LPP: variants seen among roughly 807,000 people sequenced by gnomAD.
LPP encodes the protein LIM domain containing preferred translocation partner in lipoma.
LPP carries 38 observed loss-of-function variants against 60.4 expected under a neutral mutation model. The ratio of observed to expected loss-of-function variants is 0.63; its 90% CI spans 0.49 to 0.83. LPP has a LOEUF of 0.83. LPP is among the 40% of genes least tolerant of loss of function. The pLI, the probability that LPP is intolerant of heterozygous loss-of-function variation, is 0.00. For missense variants in LPP, 902 were observed against 783.6 expected, an observed-to-expected ratio of 1.15 and a Z score of -1.80; for synonymous variants, 328 against 290.8, an observed-to-expected ratio of 1.13 and a Z score of -1.30.
chr3:188,443,946 C>T (rs1270505427), intron 4 of LPP, among the ~76,000 whole-genome samples: 1 of 152,116 alleles, frequency 6.6e-6, no homozygotes, highest in East Asian at 1.9e-4. Flanking sequence ...GATGGTGTGC[C>T]CTTAATTTTG....
intron 5 of LPP, among the ~76,000 whole-genome samples, chr3:188,487,864 C>G (rs1807049975): frequency 2.0e-5 from 3 of 152,034 alleles, no homozygotes; most frequent in African/African-American, 7.2e-5. Context: ...TGTTTCCAGC[C>G]AGATTTTCAG....
rs144823772 is a variant in LPP, at chr3:188,484,459, G to A, written c.194-133G>A. 3,090 of 613,434 alleles carry A rather than the reference G, an allele frequency of 5.0e-3. 14 individuals are homozygous for A. The highest frequency in any genetic ancestry group is 7.4e-3 in the Non-Finnish European group (2,538 of 343,438). 38.0% of individuals were successfully genotyped at this position (613,434 alleles called of 1,614,324 possible). ...TAAGGCTACTAATTAAACTAAGATGGGGAATAATTGCTATACAACACAAAA... is the reference window on the plus strand; with the variant it reads ...TAAGGCTACTAATTAAACTAAGATGAGGAATAATTGCTATACAACACAAAA... On this transcript the variant is annotated intron_variant, in intron 4 of 11. Coordinates refer to ENST00000617246, the MANE Select transcript of LPP (RefSeq NM_001375462.1).
At chr3:188,384,253 C>T (rs1219761352) in intron 3 of LPP, among the ~76,000 whole-genome samples, 3 of 152,114 alleles carry the variant, frequency 2.0e-5, no homozygotes, top group Non-Finnish European at 4.4e-5. Context: ...TTTATTAACT[C>T]TCTGCCTGAC....
chr3:188,350,468 G>T (rs76667369), intron 3 of LPP, among the ~76,000 whole-genome samples: 8,631 of 152,258 alleles, frequency 0.057, 668 homozygotes, highest in African/African-American at 0.17. Context: ...ATCAGGCATG[G>T]CTGAAGAACT....
At chr3:188,684,761 T>G (rs1289215151) in intron 7 of LPP, among the ~76,000 whole-genome samples, 1 of 152,166 alleles carries the variant, frequency 6.6e-6, no homozygotes, top group East Asian at 1.9e-4. Context: ...AAATTTTCTT[T>G]TTACTAGTTC....
In LPP at chr3:188,264,748, C is replaced by T. The variant is rs150696806; in HGVS notation, c.-67+39221C>T. On this transcript the variant is annotated intron_variant, in intron 2 of 11. Coordinates refer to ENST00000617246, the MANE Select transcript of LPP (RefSeq NM_001375462.1). ...TCCTGGTCACTTCCCCACCCCTGTT[C>T]GCCACCCCCAAACACCTTTTTTCTT... Among the ~76,000 whole-genome samples the T allele has an allele frequency of 5.6e-4, 85 of 152,076 alleles. 4 individuals are homozygous for T. The East Asian group carries it at 0.015, about 27-fold the overall frequency.
intron 7 of LPP, among the ~76,000 whole-genome samples, chr3:188,656,046 G>A (rs1197283220): frequency 6.6e-6 from 1 of 151,888 alleles, no homozygotes; most frequent in African/African-American, 2.4e-5. Context: ...AAAAAAAATA[G>A]CCAGGCATGG....
chr3:188,667,504 G>A (rs985371449), intron 7 of LPP, among the ~76,000 whole-genome samples: 1 of 151,212 alleles, frequency 6.6e-6, no homozygotes, highest in East Asian at 1.9e-4. Context: ...TTTGGTAGCA[G>A]TTTTACATAG....
intron 4 of LPP, among the ~76,000 whole-genome samples, chr3:188,420,623 G>A (rs149659256): frequency 1.3e-5 from 2 of 152,152 alleles, no homozygotes; most frequent in East Asian, 3.9e-4. Context: ...GTCTTTTTTA[G>A]GGAAAGCATT....
At chr3:188,797,875 G>C (rs67071078) in intron 9 of LPP, among the ~76,000 whole-genome samples, 21,224 of 152,148 alleles carry the variant, frequency 0.14, 1,544 homozygotes, top group Middle Eastern at 0.19. Flanking sequence ...TCCTTCTGGT[G>C]GGAAAAATGC....
chr3:188,613,300 A>ATATCTATC (rs377472905), intron 7 of LPP, among the ~76,000 whole-genome samples: 5 of 146,170 alleles, frequency 3.4e-5, no homozygotes, highest in African/African-American at 1.3e-4. Flanking sequence ...ATCTATATCT[A>ATATCTATC]TATCTATATC....
At chr3:188,749,283 T>C (rs1226915709) in intron 8 of LPP, among the ~76,000 whole-genome samples, 2 of 152,184 alleles carry the variant, frequency 1.3e-5, no homozygotes, top group African/African-American at 4.8e-5. Flanking sequence ...AGTGCTACAC[T>C]GAGAGCCCAA....
chr3:188,153,480 T>C (rs1449203389), upstream of LPP: 1 of 152,306 alleles, frequency 6.6e-6, no homozygotes, highest in Non-Finnish European at 1.5e-5. Context: ...GACGCCTTAA[T>C]AGTAGACGCA....
intron 6 of LPP, among the ~76,000 whole-genome samples, chr3:188,598,809 C>G (rs7632562): frequency 0.29 from 44,752 of 152,008 alleles, 7,027 homozygotes; most frequent in Non-Finnish European, 0.34. Flanking sequence ...AGTTTGTCCA[C>G]CAAAAGAATC....
chr3:188,409,401 G>A (rs963425159), intron 4 of LPP, among the ~76,000 whole-genome samples: 2 of 152,176 alleles, frequency 1.3e-5, no homozygotes, highest in African/African-American at 4.8e-5. Flanking sequence ...TGCATCTGCT[G>A]TATGAAACAA....
intron 3 of LPP, among the ~76,000 whole-genome samples, chr3:188,356,181 T>C (rs1347706654): frequency 6.6e-6 from 1 of 152,180 alleles, no homozygotes; most frequent in African/African-American, 2.4e-5. Flanking sequence ...TTTTGAATTT[T>C]TCTCAGCACA....
chr3:188,887,100 T>C lies in LPP; in HGVS notation c.*12621T>C, dbSNP rs922573282. 2 of 229,348 alleles carry C rather than the reference T, an allele frequency of 8.7e-6. No homozygotes were observed. The highest frequency in any genetic ancestry group is 4.4e-5 in the African/African-American group (2 of 45,126). The allele number at this position is 229,348 out of a possible 1,614,324, so 14.2% of individuals were successfully genotyped here. ...GCCTGCTGTGCTTTATCCCGAGGCATAGCAGTAATCGTTACTATCTTGACT... is the reference window on the plus strand; with the variant it reads ...GCCTGCTGTGCTTTATCCCGAGGCACAGCAGTAATCGTTACTATCTTGACT... On this transcript the variant is annotated 3_prime_UTR_variant, in exon 12 of 12. Transcript: ENST00000617246.
intron 8 of LPP, among the ~76,000 whole-genome samples, chr3:188,752,211 AG>A (rs1728321899): frequency 6.6e-6 from 1 of 152,188 alleles, no homozygotes; most frequent in Non-Finnish European, 1.5e-5. Context: ...AGCCTAGAAA[AG>A]GTTACTGCAG....
intron 6 of LPP, among the ~76,000 whole-genome samples, chr3:188,571,230 C>A (rs754621773): frequency 6.6e-6 from 1 of 152,070 alleles, no homozygotes; most frequent in Admixed American, 6.6e-5. Context: ...CTTTGCCTTT[C>A]TCACATTCAT....
Sources: gnomAD v4.1 joint callset for allele counts (sites outside exome capture counted in the v4.1 genomes callset) on GRCh38, gnomAD v4.1.1 for gene constraint, MANE v1.5 for transcripts, NCBI Gene and HGNC (gene_info 2026-07-23, HGNC 2026-07-21) for gene names.